The following DHX38 variants were observed in gnomAD, a reference collection of about 807,000 sequenced individuals.
The protein encoded by DHX38 is pre-mRNA-splicing factor ATP-dependent RNA helicase PRP16.
In DHX38, 100 loss-of-function variants were observed where a neutral mutation model predicts 153.1. The observed-to-expected ratio is 0.65, with a 90% CI of 0.56 to 0.77. The LOEUF (loss-of-function observed/expected upper bound fraction) is 0.77. Among genes scored for constraint, DHX38 ranks in the 30% least tolerant of loss-of-function variants. The pLI, the probability that DHX38 is intolerant of heterozygous loss-of-function variation, is 0.00. For synonymous variants in DHX38, 650 were observed against 631.7 expected, an observed-to-expected ratio of 1.03 and a Z score of -0.43; for missense variants, 1,440 against 1,654.0, an observed-to-expected ratio of 0.87 and a Z score of 2.24.
rs35586337 is a variant in DHX38, at chr16:72,101,088, G to A, written c.1281G>A (p.Pro427=). 4.8e-3 allele frequency: 7,758 copies of A among 1,614,152 alleles called. 40 individuals carry two copies. The highest frequency in any genetic ancestry group is 0.017 in the Middle Eastern group (106 of 6,062). The change falls in exon 10 of 27, where the codon CCG becomes CCA. Residue 427 remains proline, a splice_region_variant and synonymous_variant. Coordinates refer to ENST00000268482, the MANE Select transcript of DHX38 (RefSeq NM_014003.4). ...LDGRIVFTKQ[P]EPVIPVKDAT... is the part of the protein sequence containing the mutation. ...GCTCTTTCTCCCCACTGCTGCAGCC[G>A]GAGCCGGTGATTCCAGTGAAGGATG...
Position 72,107,370 on chromosome 16 carries a change from G to T in DHX38, c.2631G>T (p.Glu877Asp). ...RLYTQSAYKN[E>D]LLTTTVPEIQ... ...ACACCCAGAGCGCCTACAAGAATGA[G>T]CTCCTGACCACCACAGTGCCCGAGA... Residue 877 changes from glutamate to aspartate, a missense_variant, in exon 20 of 27, where the codon GAG (glutamate) becomes GAT (aspartate). By Grantham distance (45) the Glu-to-Asp change is conservative. Transcript: ENST00000268482. This position sits in a 1 kb window ranked among gnomAD's most constrained non-coding sequence, Gnocchi z 5.3. 6.2e-7 allele frequency: 1 copy of T among 1,612,500 alleles called. No individual in the cohort carries two copies. Among genetic ancestry groups the T allele is most frequent in the Non-Finnish European group, 8.5e-7 (1 of 1,180,000 alleles).
chr16:72,105,664 A>C (rs1211281973), intron 18 of DHX38, 40 bp downstream of exon 18: 2 of 1,603,966 alleles, frequency 1.2e-6, no homozygotes, highest in Admixed American at 3.3e-5. Flanking sequence ...GGTGTTCACC[A>C]GAAGCTAACT....
chr16:72,095,852 T>C (rs1321222287), intron 1 of DHX38, among the ~76,000 whole-genome samples: 1 of 152,046 alleles, frequency 6.6e-6, no homozygotes, highest in African/African-American at 2.4e-5. Flanking sequence ...AGACTTTTTA[T>C]TGCCTCTTGG....
chr16:72,103,776 C>T lies in DHX38; in HGVS notation c.1812C>T (p.Asn604=), dbSNP rs768461066. Residue 604 remains asparagine (N), a synonymous_variant, in exon 13 of 27, where the codon AAC becomes AAT. Transcript: ENST00000268482. ...GAGTCAGTGAAGAGATGGGGGGAAA[C>T]CTTGGCGAGGAGGTGAGTGGGCGTG... The part of the protein sequence containing the change: ...AKRVSEEMGG[N]LGEEVGYAIR... The T allele has an allele frequency of 1.2e-6, 2 of 1,610,860 alleles. No individual in the cohort carries two copies. The highest frequency in any genetic ancestry group is 4.5e-5 in the East Asian group (2 of 44,770).
chr16:72,108,835 GCC>G lies in DHX38; in HGVS notation c.3293_3294del (p.Pro1098LeufsTer52). The G allele has an allele frequency of 1.2e-6, 2 of 1,614,020 alleles. No individual in the cohort carries two copies. The highest frequency in any genetic ancestry group is 1.7e-6 in the Non-Finnish European group (2 of 1,179,972). On this transcript the variant is annotated frameshift_variant, in exon 24 of 27. Transcript: ENST00000268482. LOFTEE classifies it high-confidence loss of function. ...GEYVNIRTGM[P>X]CHLHPTSSLF... ...AGTACGTGAACATCCGCACAGGGAT[GCC>G]CTGCCACTTGCACCCCACCAGCTCC...
At chr16:72,101,262 C>G (rs1354680588) in intron 10 of DHX38, 69 bp downstream of exon 10, 5 of 1,537,284 alleles carry the variant, frequency 3.3e-6, no homozygotes, top group African/African-American at 1.4e-5. Context: ...CTTCATAAGT[C>G]TTACTAGGCC....
In DHX38 at chr16:72,104,946, C is replaced by T. The variant is rs2042153105; in HGVS notation, c.2152-81C>T. 3.7e-6 allele frequency: 5 copies of T among 1,369,544 alleles called. No individual in the cohort carries two copies. In the South Asian group the frequency reaches 6.6e-5, roughly 18 times the overall value. 84.8% of individuals were successfully genotyped at this position (1,369,544 alleles called of 1,614,324 possible). ...TCCATGGCTCCATTCCAGAGCAGTG[C>T]CTGGGCCACTGGGCTCCCAGGAGAT... On this transcript the variant is annotated intron_variant, in intron 15 of 26. Transcript: ENST00000268482. The surrounding 1 kb of genome is among the most constrained non-coding windows in gnomAD (Gnocchi z 4.5).
intron 1 of DHX38, among the ~76,000 whole-genome samples, chr16:72,095,633 T>A (rs999065584): frequency 6.6e-6 from 1 of 152,218 alleles, no homozygotes; most frequent in African/African-American, 2.4e-5. Flanking sequence ...CACAATAGCT[T>A]CATGGATTAG....
In DHX38 at chr16:72,107,619, T is replaced by C; in HGVS notation, c.2810-26T>C. On this transcript the variant is annotated intron_variant, in intron 20 of 26. Transcript: ENST00000268482. This position sits in a 1 kb window ranked among gnomAD's most constrained non-coding sequence, Gnocchi z 5.3. ...TTCTTTCCTCTACTGTCCCGTCAAA[T>C]ATCCGGGTTTGCTCATCTCTCCTAG... is the stretch of plus-strand genomic sequence containing the variant. 3 of 1,610,912 alleles carry C rather than the reference T, an allele frequency of 1.9e-6. No individual in the cohort carries two copies. Among genetic ancestry groups the C allele is most frequent in the Non-Finnish European group, 2.5e-6 (3 of 1,177,240 alleles).
chr16:72,100,424 G>T lies in DHX38; in HGVS notation c.1117-12G>T. Reference sequence around the variant, plus strand: ...TGGCAATTTGAGTGTGGCTCCCATTGTGTCCTCACAGGATAACGAGCGCTG... The same window carrying T: ...TGGCAATTTGAGTGTGGCTCCCATTTTGTCCTCACAGGATAACGAGCGCTG... On this transcript the variant is annotated splice_polypyrimidine_tract_variant and intron_variant, in intron 8 of 26. Coordinates refer to ENST00000268482, the MANE Select transcript of DHX38 (RefSeq NM_014003.4). The T allele has an allele frequency of 1.9e-6, 3 of 1,613,214 alleles. No individual in the cohort carries two copies. Among genetic ancestry groups the T allele is most frequent in the Non-Finnish European group, 2.5e-6 (3 of 1,179,528 alleles).
intron 7 of DHX38, 131 bp downstream of exon 7, chr16:72,099,411 T>A (rs1198163710): frequency 1.2e-6 from 1 of 843,654 alleles, no homozygotes; most frequent in Non-Finnish European, 1.8e-6. Context: ...TGGAGTCTCT[T>A]TGCAGAGGCA....
rs893005252 is a variant in DHX38 at position 72,098,732 on chromosome 16, C to G, written c.704C>G (p.Pro235Arg). ...CGCTCACAGTGGGAATCGCCCTCCC[C>G]GACGCCTTCCTATCGGGATTCTGAG... Reference protein sequence around the residue: ...SRRSQWESPSPTPSYRDSERS... With the variant: ...SRRSQWESPSRTPSYRDSERS... The change falls in exon 5 of 27, where the codon CCG becomes CGG. Residue 235 changes from proline to arginine, a missense_variant. Around this residue, in one of 6 missense-constraint regions of DHX38, gnomAD observed 483 missense variants for 465.1 expected, o/e 1.04. Transcript: ENST00000268482. The G allele has an allele frequency of 2.5e-6, 4 of 1,614,168 alleles. No homozygotes were observed. Among genetic ancestry groups the G allele is most frequent in the Non-Finnish European group, 3.4e-6 (4 of 1,180,024 alleles).
rs2042151460 is a variant in DHX38 at position 72,104,840 on chromosome 16, G to A, written c.2152-187G>A. Among the ~76,000 whole-genome samples, 1 of 152,174 alleles carries A rather than the reference G, an allele frequency of 6.6e-6. No homozygotes were observed. On this transcript the variant is annotated intron_variant, in intron 15 of 26. Coordinates refer to ENST00000268482, the MANE Select transcript of DHX38 (RefSeq NM_014003.4). The surrounding 1 kb of genome is among the most constrained non-coding windows in gnomAD (Gnocchi z 4.5). ...GTTTCATTATTTCTTTGAGGCTGAA[G>A]TACAGGGCCCAGGGAGGCACTGTGC... is the stretch of plus-strand genomic sequence containing the variant.
Position 72,104,493 on chromosome 16 carries a change from C to T in DHX38, c.2018C>T (p.Ala673Val). ...AGCCGCCTCTTCTCTCAGGTAGTGG[C>T]TCGGCGCTCAGACCTGAAGCTCATC... ...VLFGLLREVV[A>V]RRSDLKLIVT... The change falls in exon 15 of 27, where the codon GCT becomes GTT. Residue 673 changes from alanine to valine, a missense_variant. By Grantham distance (64) the Ala-to-Val change is moderately conservative. Transcript: ENST00000268482. The surrounding 1 kb of genome is among the most constrained non-coding windows in gnomAD (Gnocchi z 4.5). 6.2e-7 allele frequency: 1 copy of T among 1,613,900 alleles called. No individual in the cohort carries two copies. Among genetic ancestry groups the T allele is most frequent in the Non-Finnish European group, 8.5e-7 (1 of 1,180,008 alleles).
chr16:72,103,862 T>G (rs1299444401), intron 13 of DHX38, 74 bp downstream of exon 13: 2 of 1,598,594 alleles, frequency 1.3e-6, no homozygotes, highest in Admixed American at 1.7e-5. Context: ...AAGGGTGTGA[T>G]CTGCTAAGAC....
rs745370411 is a variant in DHX38, at chr16:72,097,731, A to G, written c.566A>G (p.Glu189Gly). The change falls in exon 4 of 27, where the codon GAG becomes GGG. Residue 189 changes from glutamate to glycine, a missense_variant. This residue lies in a region of DHX38 where 483 missense variants were observed against 465.1 expected (regional missense o/e 1.04). Coordinates refer to ENST00000268482, the MANE Select transcript of DHX38 (RefSeq NM_014003.4). ...SSRSERDGGS[E>G]RSSRRNEPES... The stretch of plus-strand genomic sequence containing the variant: ...AGATCAGAGCGAGATGGAGGGTCAG[A>G]GCGTAGCAGCAGAAGAAATGAACCC... 1.2e-6 allele frequency: 2 copies of G among 1,614,180 alleles called. No homozygotes were observed. Among genetic ancestry groups the G allele is most frequent in the South Asian group, 2.2e-5 (2 of 91,072 alleles).
At position 72,108,214 on chromosome 16, in the gene DHX38, T is replaced by G; in HGVS notation, c.2965-13T>G. ...CCCTGTACTTAGAGTGAAGGTTCTT[T>G]TTCCCTTCCTAGGGTCGAGAGGAGG... On this transcript the variant is annotated splice_polypyrimidine_tract_variant and intron_variant, in intron 21 of 26. Coordinates refer to ENST00000268482, the MANE Select transcript of DHX38 (RefSeq NM_014003.4). The G allele has an allele frequency of 6.2e-7, 1 of 1,613,584 alleles. No individual in the cohort carries two copies.
chr16:72,104,548 G>C lies in DHX38; in HGVS notation c.2073G>C (p.Lys691Asn). Residue 691 changes from lysine to asparagine, a missense_variant, in exon 15 of 27, where the codon AAG becomes AAC. Transcript: ENST00000268482. This position sits in a 1 kb window ranked among gnomAD's most constrained non-coding sequence, Gnocchi z 4.5. ...IVTSATMDAE[K>N]FAAFFGNVPI... ...CATCAGCCACGATGGATGCGGAGAA[G>C]TTTGCTGCCTTTTTTGGGAATGTCC... 6.2e-7 allele frequency: 1 copy of C among 1,614,180 alleles called. No individual in the cohort carries two copies. Among genetic ancestry groups the C allele is most frequent in the Non-Finnish European group, 8.5e-7 (1 of 1,180,028 alleles).
At chr16:72,103,297 T>C in intron 12 of DHX38, 86 bp downstream of exon 12, 3 of 1,523,124 alleles carry the variant, frequency 2.0e-6, no homozygotes, top group Non-Finnish European at 2.7e-6. Context: ...CTTTTTCTTT[T>C]GTGCATTGCA....
Sources: allele counts gnomAD v4.1 joint callset (sites outside exome capture counted in the v4.1 genomes callset), GRCh38; gene constraint gnomAD v4.1.1; regional missense constraint gnomAD v4.1.1; non-coding constraint Gnocchi (gnomAD v3.1); transcripts MANE v1.5; gene names NCBI Gene and HGNC (gene_info 2026-07-23, HGNC 2026-07-21).